NETO1: variants seen among roughly 807,000 people sequenced by gnomAD.
The protein encoded by NETO1 is neuropilin and tolloid like 1, also known as neuropilin and tolloid-like protein 1.
A neutral mutation model predicts 61.3 loss-of-function variants in NETO1; 26 were observed. That is an observed-to-expected ratio of 0.42 (90% confidence interval 0.31 to 0.59). The LOEUF (loss-of-function observed/expected upper bound fraction) is 0.59. Among genes scored for constraint, NETO1 ranks in the 20% least tolerant of loss-of-function variants. The pLI, the probability that NETO1 is intolerant of heterozygous loss-of-function variation, is 0.12. For synonymous variants in NETO1, 225 were observed against 225.8 expected (o/e 1.00, Z 0.03); for missense variants, 531 against 662.8 (o/e 0.80, Z 2.18).
intron 4 of NETO1, among the ~76,000 whole-genome samples, chr18:72,812,341 T>C (rs189023273): frequency 2.6e-5 from 4 of 152,342 alleles, no homozygotes; most frequent in Admixed American, 2.6e-4. Flanking sequence ...TGCTAGTTAG[T>C]CTTGACATTT....
At chr18:72,795,199 T>C (rs1403116833) in intron 4 of NETO1, among the ~76,000 whole-genome samples, 2 of 152,124 alleles carry the variant, frequency 1.3e-5, no homozygotes, top group African/African-American at 4.8e-5. Flanking sequence ...TGGAATTGAT[T>C]TTGAGGTAGG....
At chr18:72,822,219 T>G (rs1449066415) in intron 4 of NETO1, among the ~76,000 whole-genome samples, 1 of 152,122 alleles carries the variant, frequency 6.6e-6, no homozygotes, top group Non-Finnish European at 1.5e-5. Flanking sequence ...TCTGAGAGCT[T>G]AACTAGGGCT....
At chr18:72,765,055 A>C (rs1474034009) in intron 7 of NETO1, among the ~76,000 whole-genome samples, 1 of 152,166 alleles carries the variant, frequency 6.6e-6, no homozygotes, top group African/African-American at 2.4e-5. Context: ...GCCACATTTC[A>C]CTTTGTTGAA....
At chr18:72,822,622 C>A (rs2073236909) in intron 4 of NETO1, among the ~76,000 whole-genome samples, 1 of 152,198 alleles carries the variant, frequency 6.6e-6, no homozygotes, top group African/African-American at 2.4e-5. Context: ...AAGAGAATGA[C>A]ATTTTTCTAT....
Position 72,772,813 on chromosome 18 carries a change from CTCTCTCTCTCTCTATATATATATATA to C in NETO1, c.868+10839_868+10864del, listed in dbSNP as rs1599139791. Among the ~76,000 whole-genome samples the C allele has an allele frequency of 1.9e-4, 10 of 53,604 alleles. No individual in the cohort carries two copies. In the Admixed American group the frequency reaches 1.9e-3, roughly 10 times the overall value. 35.2% of individuals were successfully genotyped at this position (53,604 alleles called of 152,430 possible). ...TATAGTTCTCTCTCTCTCTCTCTCT[CTCTCTCTCTCTCTATATATATATATA>C]TATATATATATATATATATATATAT... is the stretch of plus-strand genomic sequence containing the variant. On this transcript the variant is annotated intron_variant, in intron 7 of 10. Coordinates refer to ENST00000327305, the MANE Select transcript of NETO1 (RefSeq NM_138966.5).
chr18:72,859,944 T>C (rs913883090), intron 3 of NETO1, among the ~76,000 whole-genome samples: 3 of 151,516 alleles, frequency 2.0e-5, no homozygotes, highest in Non-Finnish European at 4.4e-5. Flanking sequence ...AAAAAAAGTC[T>C]TTCAGTAAAT....
intron 4 of NETO1, among the ~76,000 whole-genome samples, chr18:72,801,129 A>C (rs1298108493): frequency 6.6e-6 from 1 of 152,160 alleles, no homozygotes; most frequent in African/African-American, 2.4e-5. Context: ...AAAAATTCCT[A>C]CAGACTCTGT....
chr18:72,762,509 CA>C (rs1213825495), intron 7 of NETO1, among the ~76,000 whole-genome samples: 1 of 151,972 alleles, frequency 6.6e-6, no homozygotes, highest in Non-Finnish European at 1.5e-5. Context: ...TGTATATATA[CA>C]TTAAAAACAC....
chr18:72,804,295 T>C (rs766698210), intron 4 of NETO1, among the ~76,000 whole-genome samples: 2 of 152,186 alleles, frequency 1.3e-5, no homozygotes, highest in African/African-American at 2.4e-5. Flanking sequence ...CTTTGTATCA[T>C]GGGTACCTTC....
intron 7 of NETO1, among the ~76,000 whole-genome samples, chr18:72,780,281 A>G (rs2071692852): frequency 6.6e-6 from 1 of 152,222 alleles, no homozygotes; most frequent in Non-Finnish European, 1.5e-5. Context: ...ACATATTGGG[A>G]TGGGTGCCTC....
intron 7 of NETO1, among the ~76,000 whole-genome samples, chr18:72,778,769 T>G (rs12957377): frequency 0.38 from 57,206 of 151,974 alleles, 11,030 homozygotes; most frequent in East Asian, 0.51. Flanking sequence ...CAGACCAGGA[T>G]CAGCCTTAAT....
intron 7 of NETO1, among the ~76,000 whole-genome samples, chr18:72,774,596 A>G (rs1023184718): frequency 6.6e-6 from 1 of 152,192 alleles, no homozygotes; most frequent in African/African-American, 2.4e-5. Flanking sequence ...GAATTATCCA[A>G]TGTATGGCAT....
At chr18:72,864,205 C>T (rs534000485) in intron 3 of NETO1, among the ~76,000 whole-genome samples, 19 of 152,008 alleles carry the variant, frequency 1.2e-4, no homozygotes, top group African/African-American at 4.6e-4. Context: ...AAATGGGAAA[C>T]GTTCAAAGAG....
intron 4 of NETO1, among the ~76,000 whole-genome samples, chr18:72,796,394 T>C (rs2072311862): frequency 6.6e-6 from 1 of 152,262 alleles, no homozygotes; most frequent in Non-Finnish European, 1.5e-5. Flanking sequence ...CTATTTAGAC[T>C]TATTTTACTA....
intron 4 of NETO1, among the ~76,000 whole-genome samples, chr18:72,821,234 T>TAAAAAAA (rs10672110): frequency 2.6e-4 from 21 of 80,166 alleles, no homozygotes; most frequent in East Asian, 6.0e-4. Context: ...TCATATTAAC[T>TAAAAAAA]AAAAAAAAAA....
intron 4 of NETO1, among the ~76,000 whole-genome samples, chr18:72,827,794 G>A (rs1244906791): frequency 6.6e-6 from 1 of 152,070 alleles, no homozygotes; most frequent in Non-Finnish European, 1.5e-5. Context: ...ATGTTGAAAG[G>A]GACAGTTGCT....
rs189279800 is a variant in NETO1, at chr18:72,761,035, G to T, written c.869-4888C>A. Among the ~76,000 whole-genome samples the T allele has an allele frequency of 4.7e-5, 7 of 148,308 alleles. No homozygotes were observed. The East Asian group carries it at 1.4e-3, about 29-fold the overall frequency. On this transcript the variant is annotated intron_variant, in intron 7 of 10. Transcript: ENST00000327305. ...CACCGTTACCAAAACAAAAGCAAATGAAACAAAACAAAAAACTTAAAATGT... is the reference window on the plus strand; with the variant it reads ...CACCGTTACCAAAACAAAAGCAAATTAAACAAAACAAAAAACTTAAAATGT...
intron 4 of NETO1, among the ~76,000 whole-genome samples, chr18:72,855,793 C>T (rs973799657): frequency 7.2e-5 from 11 of 152,198 alleles, no homozygotes; most frequent in Non-Finnish European, 1.6e-4. Context: ...GGACCCATGG[C>T]TGTGTGGGGG....
intron 8 of NETO1, among the ~76,000 whole-genome samples, chr18:72,753,944 C>T (rs1408226419): frequency 6.6e-6 from 1 of 152,106 alleles, no homozygotes; most frequent in Non-Finnish European, 1.5e-5. Flanking sequence ...GCTGTCCTTT[C>T]TTCTCCCAAC....
Sources: gnomAD v4.1 joint callset for allele counts (sites outside exome capture counted in the v4.1 genomes callset) on GRCh38, gnomAD v4.1.1 for gene constraint, MANE v1.5 for transcripts, NCBI Gene and HGNC (gene_info 2026-07-23, HGNC 2026-07-21) for gene names.